The following DAB1 variants were observed in gnomAD, a reference collection of about 807,000 sequenced individuals.
The protein encoded by DAB1 is disabled homolog 1.
A neutral mutation model predicts 64.6 loss-of-function variants in DAB1; 15 were observed. That is an observed-to-expected ratio of 0.23 (90% CI 0.16 to 0.36). DAB1 has a LOEUF of 0.36. Ranked by LOEUF, DAB1 falls within the 10% of genes least tolerant of loss-of-function variation. The pLI is 1.00. For synonymous variants in DAB1, 235 were observed against 251.9 expected (o/e 0.93, Z 0.64); for missense variants, 596 against 706.7 (o/e 0.84, Z 1.78).
chr1:57,590,166 A>G (rs908045262), intron 7 of DAB1, among the ~76,000 whole-genome samples: 51 of 152,118 alleles, frequency 3.4e-4, no homozygotes, highest in African/African-American at 1.2e-3. Context: ...TCAGATGGCA[A>G]CCCTTTTGCT....
At chr1:58,181,982 C>G (rs1350412664) in intron 4 of DAB1, among the ~76,000 whole-genome samples, 1 of 151,988 alleles carries the variant, frequency 6.6e-6, no homozygotes, top group Admixed American at 6.6e-5. Context: ...TAAGTCGGGT[C>G]TGCTAGCCAC....
chr1:57,899,121 A>G (rs1036053420), intron 5 of DAB1, among the ~76,000 whole-genome samples: 3 of 152,102 alleles, frequency 2.0e-5, no homozygotes, highest in Admixed American at 6.6e-5. Flanking sequence ...CTTTTTCAAA[A>G]CCAGATTCTC....
At chr1:58,009,291 C>T (rs990716740) in intron 5 of DAB1, among the ~76,000 whole-genome samples, 4 of 152,124 alleles carry the variant, frequency 2.6e-5, no homozygotes, top group Non-Finnish European at 4.4e-5. Context: ...TTGCCTCACG[C>T]TAACCATTTC....
intron 7 of DAB1, among the ~76,000 whole-genome samples, chr1:57,641,312 T>A (rs1646124616): frequency 6.6e-6 from 1 of 151,954 alleles, no homozygotes; most frequent in Non-Finnish European, 1.5e-5. Flanking sequence ...AAATTCCTGG[T>A]TTCTTCATGG....
intron 5 of DAB1, among the ~76,000 whole-genome samples, chr1:58,142,322 C>T (rs1654333676): frequency 6.6e-6 from 1 of 152,212 alleles, no homozygotes; most frequent in Non-Finnish European, 1.5e-5. Flanking sequence ...AAACAGTTTT[C>T]ATGGAACAGT....
chr1:57,139,243 T>C (rs1025295846), intron 3 of DAB1, among the ~76,000 whole-genome samples: 2 of 152,158 alleles, frequency 1.3e-5, no homozygotes, highest in Non-Finnish European at 2.9e-5. Flanking sequence ...ATTAGCGTTC[T>C]TATAAAAAGG....
chr1:57,953,609 C>T (rs541153018), intron 5 of DAB1, among the ~76,000 whole-genome samples: 3 of 152,156 alleles, frequency 2.0e-5, no homozygotes, highest in Non-Finnish European at 4.4e-5. Flanking sequence ...GTTTGCCCTT[C>T]CAGATTGCTT....
intron 1 of DAB1, among the ~76,000 whole-genome samples, chr1:57,339,955 T>C (rs749554390): frequency 1.3e-5 from 2 of 152,176 alleles, no homozygotes; most frequent in Non-Finnish European, 2.9e-5. Flanking sequence ...TTTGTGGAGA[T>C]AGCAGAGACT....
chr1:57,407,421 A>G (rs1036708766), intron 1 of DAB1, among the ~76,000 whole-genome samples: 5 of 152,224 alleles, frequency 3.3e-5, no homozygotes, highest in African/African-American at 1.2e-4. Context: ...TCTCTTTACT[A>G]TCCTGAGGCA....
intron 4 of DAB1, among the ~76,000 whole-genome samples, chr1:58,320,413 T>A (rs1343761233): frequency 3.3e-5 from 5 of 152,242 alleles, no homozygotes; most frequent in Non-Finnish European, 1.5e-5. Context: ...TCTCATTTAA[T>A]CTTCACAACT....
intron 5 of DAB1, among the ~76,000 whole-genome samples, chr1:58,057,244 C>G (rs1304902546): frequency 6.6e-6 from 1 of 152,046 alleles, no homozygotes; most frequent in African/African-American, 2.4e-5. Context: ...TGATTCCTGT[C>G]TTCTTTTCAC....
At chr1:58,113,520 T>C (rs1652111661) in intron 5 of DAB1, among the ~76,000 whole-genome samples, 1 of 152,074 alleles carries the variant, frequency 6.6e-6, no homozygotes, top group African/African-American at 2.4e-5. Flanking sequence ...GAAGCACAAA[T>C]GGCAAAAAAA....
At chr1:58,042,863 A>G (rs143993500) in intron 5 of DAB1, among the ~76,000 whole-genome samples, 60 of 152,332 alleles carry the variant, frequency 3.9e-4, no homozygotes, top group Admixed American at 9.2e-4. Flanking sequence ...GGGAGGCATT[A>G]TAATAATCAG....
At chr1:58,448,615 G>A (rs1645098062) in intron 3 of DAB1, among the ~76,000 whole-genome samples, 1 of 152,156 alleles carries the variant, frequency 6.6e-6, no homozygotes, top group African/African-American at 2.4e-5. Context: ...AATTATAGGA[G>A]GAAACAAAAG....
chr1:57,183,418 G>C (rs914117047), intron 2 of DAB1, among the ~76,000 whole-genome samples: 1 of 152,204 alleles, frequency 6.6e-6, no homozygotes, highest in Non-Finnish European at 1.5e-5. Flanking sequence ...TGCAATGAAT[G>C]AGGAAAGAAG....
At chr1:57,016,866 C>T (rs1570505697) in intron 11 of DAB1, among the ~76,000 whole-genome samples, 1 of 152,126 alleles carries the variant, frequency 6.6e-6, no homozygotes, top group Admixed American at 6.5e-5. Flanking sequence ...TATGTCTTCA[C>T]GAAATCCCGG....
exon 2 of DAB1, chr1:57,826,251 G>T (rs1652345038): frequency 1.3e-5 from 2 of 152,218 alleles, no homozygotes; most frequent in Non-Finnish European, 2.9e-5. Flanking sequence ...CATATTAGGA[G>T]ATGTGATATA....
chr1:57,482,165 G>A (rs1200865761), intron 7 of DAB1, among the ~76,000 whole-genome samples: 1 of 152,112 alleles, frequency 6.6e-6, no homozygotes, highest in Non-Finnish European at 1.5e-5. Context: ...TTCAGACAGA[G>A]AGCAGAGGTG....
chr1:57,348,541 G>A (rs188498340), intron 1 of DAB1, among the ~76,000 whole-genome samples: 6 of 152,218 alleles, frequency 3.9e-5, no homozygotes, highest in South Asian at 2.1e-4. Flanking sequence ...TATCATCCCC[G>A]TTGTACAGAT....
Sources: allele counts gnomAD v4.1 joint callset (sites outside exome capture counted in the v4.1 genomes callset), GRCh38; gene constraint gnomAD v4.1.1; transcripts MANE v1.5; gene names NCBI Gene and HGNC (gene_info 2026-07-23, HGNC 2026-07-21).